The following ZNF804A variants were observed in gnomAD, a reference collection of about 807,000 sequenced individuals.
The protein encoded by ZNF804A is zinc finger protein 804A.
Under a neutral mutation model 16.5 loss-of-function variants are expected in ZNF804A, and 2 were observed. The observed-to-expected ratio is 0.12, with a 90% CI of 0.05 to 0.38. ZNF804A has a LOEUF of 0.38. Ranked by LOEUF, ZNF804A falls within the 10% of genes least tolerant of loss-of-function variation. The probability of loss-of-function intolerance (pLI) is 0.99; values close to 1 mark genes in which losing one functional copy is unlikely to be tolerated. For synonymous variants in ZNF804A, 534 were observed against 489.6 expected, an observed-to-expected ratio of 1.09 and a Z score of -1.20; for missense variants, 1,473 against 1,390.7, an observed-to-expected ratio of 1.06 and a Z score of -0.94.
At chr2:184,848,429 T>A (rs1241478161) in intron 1 of ZNF804A, among the ~76,000 whole-genome samples, 1 of 152,050 alleles carries the variant, frequency 6.6e-6, no homozygotes, top group Non-Finnish European at 1.5e-5. Flanking sequence ...TCTTCCTGAA[T>A]AAATTTTCTC....
At chr2:184,784,048 C>A (rs1020095855) in intron 1 of ZNF804A, among the ~76,000 whole-genome samples, 17 of 151,980 alleles carry the variant, frequency 1.1e-4, no homozygotes, top group Admixed American at 3.3e-4. Flanking sequence ...AATTCATTAT[C>A]ATGAAAACAT....
rs371274209 is a variant in ZNF804A at position 184,763,289 on chromosome 2, C to A, written c.112-103080C>A. Among the ~76,000 whole-genome samples the A allele has an allele frequency of 2.4e-4, 37 of 152,060 alleles. 2 individuals carry two copies. The highest frequency in any genetic ancestry group is 8.0e-4 in the African/African-American group (33 of 41,480). On this transcript the variant is annotated intron_variant, in intron 1 of 3. Transcript: ENST00000302277. ...ATGGGCCCTAATTCAATATGACCAGCGTCTTTATAACAAGGAAAATCTGGA... is the reference window on the plus strand; with the variant it reads ...ATGGGCCCTAATTCAATATGACCAGAGTCTTTATAACAAGGAAAATCTGGA...
intron 2 of ZNF804A, among the ~76,000 whole-genome samples, chr2:184,877,178 T>C (rs1259640726): frequency 6.6e-6 from 1 of 152,176 alleles, no homozygotes; most frequent in East Asian, 1.9e-4. Context: ...TACCATTTTA[T>C]TTTTAATGCA....
At chr2:184,701,524 G>C (rs1305813348) in intron 1 of ZNF804A, among the ~76,000 whole-genome samples, 1 of 151,732 alleles carries the variant, frequency 6.6e-6, no homozygotes, top group Non-Finnish European at 1.5e-5. Flanking sequence ...ATTCAAATGA[G>C]GTTAGCTGTT....
At chr2:184,892,507 T>A (rs1038097688) in intron 2 of ZNF804A, among the ~76,000 whole-genome samples, 1 of 135,868 alleles carries the variant, frequency 7.4e-6, no homozygotes, top group African/African-American at 2.6e-5. Context: ...TTTTTTTTTA[T>A]GGAGTCTTGC....
chr2:184,898,411 CT>C (rs1381533217), intron 2 of ZNF804A, among the ~76,000 whole-genome samples: 6 of 152,074 alleles, frequency 3.9e-5, no homozygotes, highest in African/African-American at 1.4e-4. Flanking sequence ...ATTACATCAC[CT>C]GCTTGTGGAA....
intron 1 of ZNF804A, among the ~76,000 whole-genome samples, chr2:184,787,711 C>G (rs1694470362): frequency 6.6e-6 from 1 of 151,598 alleles, no homozygotes; most frequent in Non-Finnish European, 1.5e-5. Context: ...TGGTGCCTTT[C>G]TCGTTGACTT....
intron 1 of ZNF804A, among the ~76,000 whole-genome samples, chr2:184,677,078 A>AT (rs1692450431): frequency 2.0e-5 from 3 of 151,754 alleles, no homozygotes; most frequent in African/African-American, 4.8e-5. Flanking sequence ...AAAAACATTT[A>AT]TTTTTTCCCT....
chr2:184,802,712 G>C (rs1694746033), intron 1 of ZNF804A, among the ~76,000 whole-genome samples: 1 of 151,978 alleles, frequency 6.6e-6, no homozygotes, highest in African/African-American at 2.4e-5. Context: ...TTTACTTCTT[G>C]GAATAGTATC....
At position 184,771,480 on chromosome 2, in the gene ZNF804A, C is replaced by T. The variant is rs1386149245; in HGVS notation, c.112-94889C>T. ...TGTCTCCTGGGGCTAGTTGGGGTGGCTCATGCCTGTAATCCCAGCACTTTG... is the reference window on the plus strand; with the variant it reads ...TGTCTCCTGGGGCTAGTTGGGGTGGTTCATGCCTGTAATCCCAGCACTTTG... On this transcript the variant is annotated intron_variant, in intron 1 of 3. Coordinates refer to ENST00000302277, the MANE Select transcript of ZNF804A (RefSeq NM_194250.2). Among the ~76,000 whole-genome samples, 4 of 151,944 alleles carry T rather than the reference C, an allele frequency of 2.6e-5. No homozygotes were observed. The East Asian group carries it at 5.8e-4, about 22-fold the overall frequency.
intron 2 of ZNF804A, among the ~76,000 whole-genome samples, chr2:184,905,133 GT>G (rs1212619669): frequency 6.6e-6 from 1 of 151,790 alleles, no homozygotes; most frequent in South Asian, 2.1e-4. Flanking sequence ...TTAAGTCAGT[GT>G]TTTTTACAGA....
intron 1 of ZNF804A, among the ~76,000 whole-genome samples, chr2:184,859,608 A>G (rs758008214): frequency 3.3e-5 from 5 of 152,148 alleles, no homozygotes; most frequent in Non-Finnish European, 7.3e-5. Context: ...CCATTTTCTT[A>G]GATCAGCTAG....
chr2:184,785,914 CT>C (rs1480744887), intron 1 of ZNF804A, among the ~76,000 whole-genome samples: 1 of 151,982 alleles, frequency 6.6e-6, no homozygotes, highest in Non-Finnish European at 1.5e-5. Flanking sequence ...AAGTGAGATA[CT>C]TTATGTTAGA....
At chr2:184,914,475 T>C (rs1685415429) in intron 2 of ZNF804A, among the ~76,000 whole-genome samples, 1 of 152,174 alleles carries the variant, frequency 6.6e-6, no homozygotes, top group Admixed American at 6.6e-5. Flanking sequence ...ATTCTTCACA[T>C]ACTTCTGAGT....
chr2:184,612,222 A>T, intron 1 of ZNF804A, among the ~76,000 whole-genome samples: 1 of 152,152 alleles, frequency 6.6e-6, no homozygotes, highest in South Asian at 2.1e-4. Context: ...TATTTTCATG[A>T]TTGCCATAAG....
At chr2:184,673,372 A>G (rs1692368852) in intron 1 of ZNF804A, among the ~76,000 whole-genome samples, 1 of 152,178 alleles carries the variant, frequency 6.6e-6, no homozygotes, top group South Asian at 2.1e-4. Flanking sequence ...TCTTTAATTC[A>G]TGTATCTGTG....
intron 2 of ZNF804A, among the ~76,000 whole-genome samples, chr2:184,932,181 A>G (rs995375508): frequency 1.3e-5 from 2 of 151,882 alleles, no homozygotes; most frequent in Non-Finnish European, 2.9e-5. Flanking sequence ...CACTGTTCCA[A>G]CCTCTGTCTG....
intron 1 of ZNF804A, among the ~76,000 whole-genome samples, chr2:184,684,061 C>T (rs1018345372): frequency 1.6e-4 from 25 of 152,214 alleles, no homozygotes; most frequent in African/African-American, 4.8e-4. Flanking sequence ...TCTAGGCAGA[C>T]GTAATTGTAA....
intron 2 of ZNF804A, among the ~76,000 whole-genome samples, chr2:184,905,855 T>C (rs1415202722): frequency 6.6e-6 from 1 of 152,186 alleles, no homozygotes; most frequent in Non-Finnish European, 1.5e-5. Context: ...AATTGAATCA[T>C]CTGATAATTA....
Sources: allele counts gnomAD v4.1 joint callset (sites outside exome capture counted in the v4.1 genomes callset), GRCh38; gene constraint gnomAD v4.1.1; transcripts MANE v1.5; gene names NCBI Gene and HGNC (gene_info 2026-07-23, HGNC 2026-07-21).